ASPSCR1: variants seen among roughly 807,000 people sequenced by gnomAD.
ASPSCR1 encodes ASPSCR1 tether for SLC2A4, UBX domain containing.
A neutral mutation model predicts 68.9 loss-of-function variants in ASPSCR1; 55 were observed. The ratio of observed to expected loss-of-function variants is 0.80; its 90% CI spans 0.64 to 1.00. The LOEUF is 1.00. Ranked by LOEUF, ASPSCR1 falls within the 50% of genes least tolerant of loss-of-function variation. ASPSCR1 has a pLI of 0.00. For missense variants in ASPSCR1, 765 were observed against 762.2 expected (o/e 1.00, Z -0.04); for synonymous variants, 352 against 332.6 (o/e 1.06, Z -0.63).
chr17:81,988,379 C>T (rs1322369812), intron 4 of ASPSCR1, among the ~76,000 whole-genome samples: 2 of 150,098 alleles, frequency 1.3e-5, no homozygotes, highest in East Asian at 2.0e-4. Context: ...CACTTGAACC[C>T]GGGAGGCGGA....
intron 12 of ASPSCR1, 63 bp downstream of exon 12, chr17:82,012,346 C>T (rs1295332508): frequency 2.0e-5 from 31 of 1,541,864 alleles, no homozygotes; most frequent in African/African-American, 2.7e-5. Context: ...AGGACGAGAG[C>T]GTGAGGCCTC....
chr17:81,979,610 C>T (rs1053317563), intron 2 of ASPSCR1, among the ~76,000 whole-genome samples: 3 of 152,210 alleles, frequency 2.0e-5, no homozygotes, highest in African/African-American at 2.4e-5. Context: ...AGACCAGGAT[C>T]CCTAGTAAGA....
At chr17:81,978,027 C>T (rs896328820) in intron 1 of ASPSCR1, 2 of 229,652 alleles carry the variant, frequency 8.7e-6, no homozygotes, top group African/African-American at 2.3e-5. Flanking sequence ...ACTCGGCGCC[C>T]GGCCGAGCCC....
At chr17:81,985,669 A>G (rs1461860712) in intron 4 of ASPSCR1, 62 bp downstream of exon 4, 2 of 1,533,192 alleles carry the variant, frequency 1.3e-6, no homozygotes, top group Non-Finnish European at 1.8e-6. Context: ...TGCTGTGGTT[A>G]CTGGGTCTGG....
Position 81,986,891 on chromosome 17 carries a change from G to A in ASPSCR1, c.374+1284G>A, listed in dbSNP as rs1055554881. On this transcript the variant is annotated intron_variant, in intron 4 of 15. Coordinates refer to ENST00000306739, the MANE Select transcript of ASPSCR1 (RefSeq NM_024083.4). The surrounding 1 kb of genome is among the most constrained non-coding windows in gnomAD (Gnocchi z 5.2). ...TGAGGTCTGCACGTCGGGTCTCAGT[G>A]GTCATGGGGATGGAAGCCACCCCAG... Among the ~76,000 whole-genome samples, 2 of 152,214 alleles carry A rather than the reference G, an allele frequency of 1.3e-5. No homozygotes were observed. Among genetic ancestry groups the A allele is most frequent in the East Asian group, 1.9e-4 (1 of 5,198 alleles).
At chr17:81,985,446 G>T in intron 3 of ASPSCR1, 61 bp from the exon 4 acceptor site, 3 of 1,546,408 alleles carry the variant, frequency 1.9e-6, no homozygotes, top group Non-Finnish European at 2.7e-6. Context: ...ATCAGTCTGG[G>T]ATTTAGAAGG....
At position 82,010,872 on chromosome 17, in the gene ASPSCR1, G is replaced by A; in HGVS notation, c.1237+4G>A. 2 of 1,611,836 alleles carry A rather than the reference G, an allele frequency of 1.2e-6. No individual in the cohort carries two copies. Among genetic ancestry groups the A allele is most frequent in the Non-Finnish European group, 1.7e-6 (2 of 1,179,856 alleles). ...TTCTTCCGCCCCAGCGAGACAGGTG[G>A]GCAGCGCTGTGGGGTGTCCGGGGAT... is the stretch of plus-strand genomic sequence containing the variant. On this transcript the variant is annotated splice_donor_region_variant and intron_variant, in intron 10 of 15. Transcript: ENST00000306739.
intron 7 of ASPSCR1, among the ~76,000 whole-genome samples, chr17:82,000,691 C>T (rs60293637): frequency 0.055 from 8,370 of 152,308 alleles, 365 homozygotes; most frequent in South Asian, 0.14. Flanking sequence ...GGTCCTCGGC[C>T]GAGACCCGGG....
chr17:82,007,276 T>G (rs1483672404), intron 7 of ASPSCR1: 1 of 152,236 alleles, frequency 6.6e-6, no homozygotes, highest in African/African-American at 2.4e-5. Context: ...TGGGTCTGTC[T>G]GACAGACAGA....
chr17:81,996,314 C>G (rs1322716320), intron 6 of ASPSCR1, 106 bp from the exon 7 acceptor site: 2 of 1,295,974 alleles, frequency 1.5e-6, no homozygotes, highest in Non-Finnish European at 2.0e-6. Context: ...GAACCGGGGG[C>G]GGGAGAGGGT....
At position 82,009,512 on chromosome 17, in the gene ASPSCR1, T is replaced by G. The variant is rs1391798857; in HGVS notation, c.1115T>G (p.Val372Gly). 1.9e-6 allele frequency: 3 copies of G among 1,585,580 alleles called. No individual in the cohort carries two copies. The highest frequency in any genetic ancestry group is 2.6e-6 in the Non-Finnish European group (3 of 1,166,252). Residue 372 changes from valine (V) to glycine (G), a missense_variant, in exon 9 of 16, where the codon GTG becomes GGG. Coordinates refer to ENST00000306739, the MANE Select transcript of ASPSCR1 (RefSeq NM_024083.4). The stretch of plus-strand genomic sequence containing the variant: ...AAGCGCCTGGAAGAAGCCCCCTTGG[T>G]GACCAAGGCCTTCAGGGAGGCGCAG... ...ERKRLEEAPL[V>G]TKAFREAQIK...
At chr17:81,989,242 G>T (rs1403440983) in intron 4 of ASPSCR1, among the ~76,000 whole-genome samples, 2 of 152,226 alleles carry the variant, frequency 1.3e-5, no homozygotes, top group Non-Finnish European at 2.9e-5. Context: ...TAAAAGCTCA[G>T]ACCCAAGCTT....
intron 11 of ASPSCR1, among the ~76,000 whole-genome samples, 198 bp downstream of exon 11, chr17:82,011,803 TG>T (rs1026713495): frequency 6.6e-6 from 1 of 152,046 alleles, no homozygotes; most frequent in African/African-American, 2.4e-5. Context: ...AGCCAGGCGG[TG>T]GGAGCCAGGC....
intron 4 of ASPSCR1, among the ~76,000 whole-genome samples, chr17:81,989,310 T>C (rs1203890538): frequency 1.3e-5 from 2 of 152,210 alleles, no homozygotes; most frequent in African/African-American, 2.4e-5. Flanking sequence ...GGTTTCATAG[T>C]GGGTGGCGTT....
intron 3 of ASPSCR1, among the ~76,000 whole-genome samples, chr17:81,985,137 C>A: frequency 6.7e-6 from 1 of 150,268 alleles, no homozygotes; most frequent in South Asian, 2.1e-4. Context: ...TGCACACACA[C>A]GCACATCTGC....
intron 7 of ASPSCR1, among the ~76,000 whole-genome samples, chr17:81,998,507 T>G (rs2050942250): frequency 6.6e-6 from 1 of 152,230 alleles, no homozygotes; most frequent in African/African-American, 2.4e-5. Flanking sequence ...CAGGAATTAC[T>G]AGTCATTTCT....
chr17:82,016,766 C>T (rs1241712676), intron 13 of ASPSCR1, 34 bp from the exon 14 acceptor site: 1 of 1,598,526 alleles, frequency 6.3e-7, no homozygotes, highest in African/African-American at 1.3e-5. Context: ...GACCCCTCCT[C>T]AGAGGCTCAG....
chr17:81,999,158 G>A lies in ASPSCR1; in HGVS notation c.933+2312G>A, dbSNP rs548927733. Among the ~76,000 whole-genome samples, 7 of 152,324 alleles carry A rather than the reference G, an allele frequency of 4.6e-5. No homozygotes were observed. In the South Asian group the frequency reaches 1.5e-3, roughly 32 times the overall value. ...GAGGCAGACTGGGGGACTGTCATGC[G>A]GCTTTCGGTGACAGGGATGGGAGGA... On this transcript the variant is annotated intron_variant, in intron 7 of 15. Coordinates refer to ENST00000306739, the MANE Select transcript of ASPSCR1 (RefSeq NM_024083.4). This position sits in a 1 kb window ranked among gnomAD's most constrained non-coding sequence, Gnocchi z 4.4.
At chr17:81,982,654 C>T (rs1239486973) in intron 2 of ASPSCR1, 4 of 152,224 alleles carry the variant, frequency 2.6e-5, no homozygotes, top group South Asian at 4.1e-4. Flanking sequence ...TAGTTGTCTC[C>T]GACAGCAGCT....
Sources: gnomAD v4.1 joint callset for allele counts (sites outside exome capture counted in the v4.1 genomes callset) on GRCh38, gnomAD v4.1.1 for gene constraint, Gnocchi (gnomAD v3.1) non-coding constraint, MANE v1.5 for transcripts, NCBI Gene and HGNC (gene_info 2026-07-23, HGNC 2026-07-21) for gene names.